The following CKMT2 variants were observed in gnomAD, a reference collection of about 807,000 sequenced individuals.
CKMT2 encodes the protein creatine kinase, mitochondrial 2.
CKMT2 carries 43 observed loss-of-function variants against 48.9 expected under a neutral mutation model. The observed-to-expected ratio is 0.88, with a 90% CI of 0.69 to 1.13. The LOEUF is 1.13. CKMT2 is among the 50% of genes most tolerant of loss of function. CKMT2 has a pLI of 0.00. For missense variants in CKMT2, 472 were observed against 555.4 expected, an observed-to-expected ratio of 0.85 and a Z score of 1.51; for synonymous variants, 206 against 213.0, an observed-to-expected ratio of 0.97 and a Z score of 0.29.
intron 1 of CKMT2, among the ~76,000 whole-genome samples, chr5:81,233,719 TAAACTTA>T (rs1328216796): frequency 6.6e-6 from 1 of 152,292 alleles, no homozygotes; most frequent in Admixed American, 6.5e-5. Context: ...GGGACAACTT[TAAACTTA>T]AAGTGTCTTT....
At chr5:81,261,247 CACAGCCA>C (rs1561287897) in intron 8 of CKMT2, among the ~76,000 whole-genome samples, 4 of 152,138 alleles carry the variant, frequency 2.6e-5, no homozygotes, top group African/African-American at 9.7e-5. Context: ...ATGACAAACC[CACAGCCA>C]ACAGGCAAAA....
intron 4 of CKMT2, 56 bp downstream of exon 4, chr5:81,254,547 G>A (rs908898708): frequency 3.7e-5 from 55 of 1,497,756 alleles, no homozygotes; most frequent in Non-Finnish European, 4.8e-5. Flanking sequence ...GAGCCCAAGG[G>A]GAAGGCCCCT....
chr5:81,242,389 A>G, intron 1 of CKMT2: 1 of 493,438 alleles, frequency 2.0e-6, no homozygotes, highest in South Asian at 1.6e-5. Context: ...TCCTTGCCAT[A>G]GTCCTTAACT....
At chr5:81,259,296 C>T (rs763995738) in intron 8 of CKMT2, 42 bp downstream of exon 8, 1 of 1,577,572 alleles carries the variant, frequency 6.3e-7, no homozygotes, top group South Asian at 1.2e-5. Context: ...CCAGGATCAG[C>T]TCAGATGCGA....
intron 1 of CKMT2, among the ~76,000 whole-genome samples, chr5:81,248,080 G>T (rs1464148537): frequency 2.0e-5 from 3 of 152,104 alleles, no homozygotes; most frequent in African/African-American, 4.8e-5. Flanking sequence ...ACCCTTACAG[G>T]GAGGAAGACC....
At position 81,259,223 on chromosome 5, in the gene CKMT2, GT is replaced by G; in HGVS notation, c.984del (p.Val329SerfsTer21). 1 of 1,614,004 alleles carries G rather than the reference GT, an allele frequency of 6.2e-7. No homozygotes were observed. Among genetic ancestry groups the G allele is most frequent in the Non-Finnish European group, 8.5e-7 (1 of 1,179,958 alleles). On this transcript the variant is annotated frameshift_variant, in exon 8 of 10. Transcript: ENST00000254035. LOFTEE classifies it high-confidence loss of function. ...AACCTTGGAACAGGACTACGAGCTG[GT>G]GTCCACGTTAGGATCCCAAAGCTCA... ...PSNLGTGLRA[G>X]VHVRIPKLSK...
At chr5:81,236,853 A>T (rs2112776979) in intron 1 of CKMT2, among the ~76,000 whole-genome samples, 1 of 152,330 alleles carries the variant, frequency 6.6e-6, no homozygotes, top group African/African-American at 2.4e-5. Flanking sequence ...GAGATAGAAA[A>T]TACAAATTAA....
At chr5:81,240,663 C>A (rs1052641585) in intron 1 of CKMT2, among the ~76,000 whole-genome samples, 1 of 152,154 alleles carries the variant, frequency 6.6e-6, no homozygotes, top group Non-Finnish European at 1.5e-5. Context: ...AGAACAGACA[C>A]TCGATACATA....
chr5:81,239,395 CTTT>C (rs148874583), intron 1 of CKMT2: 1 of 151,996 alleles, frequency 6.6e-6, no homozygotes, highest in Non-Finnish European at 1.5e-5. Flanking sequence ...TTAGCCCTTT[CTTT>C]TTTTTGGCAG....
At chr5:81,246,138 T>A (rs1202833523) in intron 1 of CKMT2, among the ~76,000 whole-genome samples, 2 of 151,620 alleles carry the variant, frequency 1.3e-5, no homozygotes, top group Non-Finnish European at 1.5e-5. Flanking sequence ...CATTCTCCAC[T>A]GGCAGCCAGA....
chr5:81,260,286 A>G (rs1757168733), intron 8 of CKMT2, among the ~76,000 whole-genome samples: 1 of 152,208 alleles, frequency 6.6e-6, no homozygotes, highest in Non-Finnish European at 1.5e-5. Context: ...TAAAATCGAC[A>G]CCCTAACATC....
chr5:81,237,225 C>G (rs569950002), intron 1 of CKMT2, among the ~76,000 whole-genome samples: 94 of 152,290 alleles, frequency 6.2e-4, no homozygotes, highest in Non-Finnish European at 1.2e-3. Flanking sequence ...AGGCCGAGTG[C>G]TGGCTGGAAT....
At chr5:81,247,527 TC>T (rs1435298135) in intron 1 of CKMT2, among the ~76,000 whole-genome samples, 2 of 152,196 alleles carry the variant, frequency 1.3e-5, no homozygotes, top group Non-Finnish European at 2.9e-5. Context: ...AAAGCAATGT[TC>T]TGACTGCGCA....
intron 1 of CKMT2, among the ~76,000 whole-genome samples, chr5:81,235,377 C>T (rs1756214960): frequency 2.0e-5 from 3 of 152,182 alleles, no homozygotes; most frequent in Non-Finnish European, 4.4e-5. Context: ...AGAATTTGTT[C>T]AGAGTGTTCT....
chr5:81,258,061 GCT>G, intron 7 of CKMT2: 1 of 420,016 alleles, frequency 2.4e-6, no homozygotes. Flanking sequence ...ACCACACCTG[GCT>G]AATTTTTGTA....
chr5:81,253,418 C>A (rs1756889645), intron 3 of CKMT2, among the ~76,000 whole-genome samples: 2 of 152,222 alleles, frequency 1.3e-5, no homozygotes, highest in African/African-American at 4.8e-5. Context: ...AATCCCATGA[C>A]CTCGGCATCC....
chr5:81,259,371 A>ATTCCT, intron 8 of CKMT2, 117 bp downstream of exon 8: 1 of 937,154 alleles, frequency 1.1e-6, no homozygotes, highest in Admixed American at 3.7e-5. Context: ...TATCTACAAT[A>ATTCCT]TAAAAATAAG....
Position 81,259,128 on chromosome 5 carries a change from G to A in CKMT2, c.888G>A (p.Arg296=). 1 of 1,613,012 alleles carries A rather than the reference G, an allele frequency of 6.2e-7. No individual in the cohort carries two copies. Among genetic ancestry groups the A allele is most frequent in the Non-Finnish European group, 8.5e-7 (1 of 1,179,498 alleles). The change falls in exon 8 of 10, where the codon CGG becomes CGA. Residue 296 remains arginine, a synonymous_variant. Transcript: ENST00000254035. ...TGTGGTTCTACTTGTAGGTAGAACG[G>A]TTAATCCAAGAACGAGGCTGGGAGT... is the stretch of plus-strand genomic sequence containing the variant. ...RFCRGLKEVE[R]LIQERGWEFM...
chr5:81,250,460 G>C (rs187524552), intron 1 of CKMT2, among the ~76,000 whole-genome samples: 32 of 152,236 alleles, frequency 2.1e-4, no homozygotes, highest in Non-Finnish European at 3.8e-4. Context: ...GTGATCTTTG[G>C]GAGTTCATTG....
Sources: allele counts gnomAD v4.1 joint callset (sites outside exome capture counted in the v4.1 genomes callset), GRCh38; gene constraint gnomAD v4.1.1; transcripts MANE v1.5; gene names NCBI Gene and HGNC (gene_info 2026-07-23, HGNC 2026-07-21).